Variants in SACS observed in about 807,000 individuals in gnomAD.
SACS encodes the protein sacsin.
In SACS, 197 loss-of-function variants were observed where a neutral mutation model predicts 348.0. That is an observed-to-expected ratio of 0.57 (90% confidence interval 0.50 to 0.64). The LOEUF is 0.64. Among genes scored for constraint, SACS ranks in the 30% least tolerant of loss-of-function variants. SACS has a pLI of 0.00. For synonymous variants in SACS, 1,985 were observed against 1,910.6 expected, an observed-to-expected ratio of 1.04 and a Z score of -1.02; for missense variants, 4,999 against 5,360.8, an observed-to-expected ratio of 0.93 and a Z score of 2.11.
At chr13:23,390,300 CTGTT>C (rs1201345248) in intron 2 of SACS, among the ~76,000 whole-genome samples, 3 of 152,112 alleles carry the variant, frequency 2.0e-5, no homozygotes, top group Non-Finnish European at 4.4e-5. Context: ...AATCTTCAGT[CTGTT>C]TGACTCCAAG....
intron 2 of SACS, among the ~76,000 whole-genome samples, chr13:23,378,566 G>A (rs528076598): frequency 2.6e-5 from 4 of 152,024 alleles, no homozygotes; most frequent in South Asian, 2.1e-4. Flanking sequence ...CCAGCCTCCC[G>A]AGCAGCTGGG....
At chr13:23,416,417 A>G (rs1873693157) in intron 1 of SACS, among the ~76,000 whole-genome samples, 1 of 152,182 alleles carries the variant, frequency 6.6e-6, no homozygotes, top group Admixed American at 6.5e-5. Context: ...AATTCCTTAA[A>G]AACACTACTA....
At chr13:23,371,221 A>ATTGCTT in intron 3 of SACS, 56 bp from the exon 4 acceptor site, 1 of 1,017,228 alleles carries the variant, frequency 9.8e-7, no homozygotes, top group Non-Finnish European at 1.4e-6. Context: ...AATACTGTAA[A>ATTGCTT]TTCAAGACAT....
intron 1 of SACS, among the ~76,000 whole-genome samples, chr13:23,424,343 T>C (rs538558162): frequency 3.4e-4 from 51 of 151,986 alleles, no homozygotes; most frequent in Non-Finnish European, 5.6e-4. Flanking sequence ...CTGGCTAACA[T>C]GGAAAAACCC....
chr13:23,379,886 GC>G (rs1871971082), intron 2 of SACS, among the ~76,000 whole-genome samples: 1 of 152,090 alleles, frequency 6.6e-6, no homozygotes, highest in Non-Finnish European at 1.5e-5. Flanking sequence ...ATGGCTTTAT[GC>G]CCCAGGCAGG....
chr13:23,368,612 C>A, intron 4 of SACS, 125 bp from the exon 5 acceptor site: 1 of 690,308 alleles, frequency 1.4e-6, no homozygotes, highest in Non-Finnish European at 2.6e-6. Flanking sequence ...CTCACTGCAG[C>A]ACCCTGGTAC....
intron 2 of SACS, among the ~76,000 whole-genome samples, chr13:23,397,194 G>T (rs1872742711): frequency 6.6e-6 from 1 of 152,074 alleles, no homozygotes; most frequent in Admixed American, 6.6e-5. Context: ...ATCCATATTT[G>T]TAAAGGAAAC....
chr13:23,355,144 C>T lies in SACS; in HGVS notation c.1468G>A (p.Ala490Thr). The change falls in exon 8 of 10, where the codon GCC becomes ACC. Residue 490 changes from alanine (A) to threonine (T), a missense_variant. This residue lies in a region of SACS where 3,156 missense variants were observed against 3,380.1 expected (regional missense o/e 0.93). Transcript: ENST00000382292. ...RELDQWRDPA[A>T]LWNEFLVMNV... ...ATGACAAGAAACTCATTCCATAAGG[C>T]TGCCGGGTCTCTCCACTGGTCCAGC... 6.2e-7 allele frequency: 1 copy of T among 1,614,186 alleles called. No homozygotes were observed. Among genetic ancestry groups the T allele is most frequent in the Non-Finnish European group, 8.5e-7 (1 of 1,180,044 alleles).
intron 9 of SACS, among the ~76,000 whole-genome samples, chr13:23,345,881 T>G (rs2137666955): frequency 6.6e-6 from 1 of 152,078 alleles, no homozygotes; most frequent in South Asian, 2.1e-4. Flanking sequence ...ATAGGACCAC[T>G]AGTTGAGTCA....
chr13:23,341,109 C>A lies in SACS; in HGVS notation c.2767G>T (p.Glu923Ter). ...TTAATGCGCTTGAATATTGCCAATT[C>A]TTGAATAATTCTTTTCTCTTTCTCA... ...SSEKEKRIIQELAIFKRINHS... is the reference protein window; with the variant it reads ...SSEKEKRIIQ The change falls in exon 10 of 10, where the codon GAA (glutamate) becomes TAA (stop). Residue 923 changes from glutamate (E) to a stop codon, truncating the protein, a stop_gained. Transcript: ENST00000382292. LOFTEE classifies it high-confidence loss of function. 1 of 1,613,646 alleles carries A rather than the reference C, an allele frequency of 6.2e-7. No homozygotes were observed. Among genetic ancestry groups the A allele is most frequent in the Non-Finnish European group, 8.5e-7 (1 of 1,179,982 alleles).
Position 23,330,202 on chromosome 13 carries a change from C to T in SACS, c.13674G>A (p.Met4558Ile), listed in dbSNP as rs1266774666. 7 of 1,614,000 alleles carry T rather than the reference C, an allele frequency of 4.3e-6. No homozygotes were observed. The highest frequency in any genetic ancestry group is 5.1e-6 in the Non-Finnish European group (6 of 1,179,984). Residue 4558 changes from methionine to isoleucine, a missense_variant, in exon 10 of 10, where the codon ATG becomes ATA. This residue lies in a region of SACS where 254 missense variants were observed against 275.1 expected (regional missense o/e 0.92). Transcript: ENST00000382292. ...TACAGGCAGTACATTCCATCACCCT[C>T]ATAGCAACCTCAGAAGTGAACCTGT... is the stretch of plus-strand genomic sequence containing the variant. ...PNDRFTSEVAMRVMECTACII... is the reference protein window; with the variant it reads ...PNDRFTSEVAIRVMECTACII...
intron 9 of SACS, among the ~76,000 whole-genome samples, chr13:23,346,385 C>T (rs1869609153): frequency 6.6e-6 from 1 of 152,110 alleles, no homozygotes; most frequent in Non-Finnish European, 1.5e-5. Context: ...ACCTCGTGAC[C>T]CACCTGCCTC....
chr13:23,412,053 A>AT (rs1286950847), intron 1 of SACS, among the ~76,000 whole-genome samples: 1 of 152,166 alleles, frequency 6.6e-6, no homozygotes, highest in East Asian at 1.9e-4. Flanking sequence ...AGGTCAGGAG[A>AT]TTGAGACCAT....
Position 23,336,601 on chromosome 13 carries a change from T to C in SACS, c.7275A>G (p.Arg2425=), listed in dbSNP as rs761313165. The change falls in exon 10 of 10, where the codon CGA becomes CGG. Residue 2425 remains arginine (R), a synonymous_variant. Coordinates refer to ENST00000382292, the MANE Select transcript of SACS (RefSeq NM_014363.6). ...QITEENFQLC[R]RIISEGIWSL... Reference sequence around the variant, plus strand: ...TCCATATTCCTTCACTGATTATTCGTCGGCAAAGCTGAAAATTCTCTTCTG... The same window carrying C: ...TCCATATTCCTTCACTGATTATTCGCCGGCAAAGCTGAAAATTCTCTTCTG... The C allele has an allele frequency of 1.2e-5, 19 of 1,613,758 alleles. No homozygotes were observed. Among genetic ancestry groups the C allele is most frequent in the Middle Eastern group, 1.6e-4 (1 of 6,062 alleles).
intron 2 of SACS, among the ~76,000 whole-genome samples, chr13:23,410,608 G>GA (rs562674831): frequency 5.3e-5 from 8 of 152,034 alleles, no homozygotes; most frequent in Admixed American, 3.9e-4. Context: ...CAGAATTAAT[G>GA]AAAGAGTATT....
rs1868828088 is a variant in SACS at position 23,338,094 on chromosome 13, A to G, written c.5782T>C (p.Leu1928=). ...VKAYLQVLSV[L]RDLATSGELM... ...TCCCCACTAGTGGCCAGGTCCCGTA[A>G]GACACTCAGTACCTGTAAGTAAGCT... The change falls in exon 10 of 10, where the codon TTA becomes CTA. Residue 1928 remains leucine, a synonymous_variant. Coordinates refer to ENST00000382292, the MANE Select transcript of SACS (RefSeq NM_014363.6). 1 of 1,613,994 alleles carries G rather than the reference A, an allele frequency of 6.2e-7. No homozygotes were observed. Among genetic ancestry groups the G allele is most frequent in the Non-Finnish European group, 8.5e-7 (1 of 1,179,970 alleles).
intron 2 of SACS, among the ~76,000 whole-genome samples, chr13:23,410,719 T>C (rs2137960853): frequency 6.6e-6 from 1 of 152,222 alleles, no homozygotes; most frequent in East Asian, 1.9e-4. Context: ...GCTTGTAAAA[T>C]AAGCATATAT....
chr13:23,375,670 CAGGGAA>C, intron 2 of SACS: 2 of 644,370 alleles, frequency 3.1e-6, no homozygotes, highest in Non-Finnish European at 3.9e-6. Context: ...GCCCCGCCCC[CAGGGAA>C]CGCCCATCCA....
At chr13:23,376,169 C>A (rs747952547) in intron 2 of SACS, among the ~76,000 whole-genome samples, 4 of 152,134 alleles carry the variant, frequency 2.6e-5, no homozygotes, top group Non-Finnish European at 5.9e-5. Context: ...ATATTTGTAA[C>A]TTATTTTGGC....
Sources: allele counts gnomAD v4.1 joint callset (sites outside exome capture counted in the v4.1 genomes callset), GRCh38; gene constraint gnomAD v4.1.1; regional missense constraint gnomAD v4.1.1; transcripts MANE v1.5; gene names NCBI Gene and HGNC (gene_info 2026-07-23, HGNC 2026-07-21).